CALN1: variants seen among roughly 807,000 people sequenced by gnomAD.
CALN1 encodes calneuron 1.
A neutral mutation model predicts 30.6 loss-of-function variants in CALN1; 17 were observed. The observed-to-expected ratio is 0.56, with a 90% CI of 0.38 to 0.83. The LOEUF (loss-of-function observed/expected upper bound fraction) is 0.83, where lower values mean the gene tolerates loss of function less well. CALN1 is among the 40% of genes least tolerant of loss of function. The pLI is 0.00. For synonymous variants in CALN1, 156 were observed against 131.4 expected, an observed-to-expected ratio of 1.19 and a Z score of -1.28; for missense variants, 291 against 354.9, an observed-to-expected ratio of 0.82 and a Z score of 1.45.
intron 1 of CALN1, among the ~76,000 whole-genome samples, chr7:72,429,765 A>G (rs1807913614): frequency 6.7e-6 from 1 of 149,102 alleles, no homozygotes. Context: ...ACATCTGTAT[A>G]TATATATGTA....
chr7:71,934,755 A>G (rs1378103148), intron 5 of CALN1, among the ~76,000 whole-genome samples: 1 of 152,152 alleles, frequency 6.6e-6, no homozygotes, highest in Non-Finnish European at 1.5e-5. Context: ...AAGGCTGGGT[A>G]ATTTATAAAG....
chr7:72,041,273 G>A (rs1353960248), intron 4 of CALN1, among the ~76,000 whole-genome samples: 2 of 152,164 alleles, frequency 1.3e-5, no homozygotes, highest in Admixed American at 6.5e-5. Context: ...ATGCCACAGA[G>A]GGCCAAGTAG....
chr7:72,102,541 T>C (rs989765836), intron 4 of CALN1, among the ~76,000 whole-genome samples: 4 of 152,198 alleles, frequency 2.6e-5, no homozygotes, highest in African/African-American at 9.7e-5. Context: ...CAAGCTGTTA[T>C]GTCCATACAG....
chr7:72,200,311 CT>C (rs1791330808), intron 3 of CALN1, among the ~76,000 whole-genome samples: 1 of 152,234 alleles, frequency 6.6e-6, no homozygotes, highest in East Asian at 1.9e-4. Flanking sequence ...GGGCAAATAC[CT>C]TAACCTCTCC....
intron 3 of CALN1, among the ~76,000 whole-genome samples, chr7:72,110,293 C>G (rs1025350518): frequency 6.6e-6 from 1 of 152,130 alleles, no homozygotes; most frequent in African/African-American, 2.4e-5. Flanking sequence ...GACAGCTGAG[C>G]CTTTGGACCT....
At chr7:72,375,544 A>G (rs1186639618) in intron 2 of CALN1, among the ~76,000 whole-genome samples, 1 of 148,628 alleles carries the variant, frequency 6.7e-6, no homozygotes, top group East Asian at 2.0e-4. Context: ...CCACCCTGGC[A>G]AAACAGCAAA....
At chr7:71,978,262 CTTTTTTTTTTTTTTTT>C (rs1010635078) in intron 5 of CALN1, among the ~76,000 whole-genome samples, 3 of 72,936 alleles carry the variant, frequency 4.1e-5, no homozygotes, top group South Asian at 5.6e-4. Context: ...CTAGAGAATT[CTTTTTTTTTTTTTTTT>C]TTTTTTTTTT....
intron 5 of CALN1, among the ~76,000 whole-genome samples, chr7:71,948,743 A>T (rs891990499): frequency 1.4e-5 from 2 of 143,494 alleles, no homozygotes; most frequent in Admixed American, 7.3e-5. Context: ...AAAAAAAAAA[A>T]ATAATAATTT....
intron 2 of CALN1, among the ~76,000 whole-genome samples, chr7:72,302,921 A>C: frequency 6.9e-6 from 1 of 145,612 alleles, no homozygotes. Flanking sequence ...AAAAAAACGA[A>C]AAGAATCCGG....
At chr7:71,863,557 CAAAAA>C (rs71531769) in intron 5 of CALN1, among the ~76,000 whole-genome samples, 2 of 32,214 alleles carry the variant, frequency 6.2e-5, no homozygotes, top group Non-Finnish European at 7.7e-5. Flanking sequence ...AACTCCATCT[CAAAAA>C]AAAAAAAAAA....
intron 2 of CALN1, among the ~76,000 whole-genome samples, chr7:72,290,605 G>C (rs1418895002): frequency 6.6e-6 from 1 of 152,152 alleles, no homozygotes. Context: ...AAAATACCCA[G>C]AGTGGTTACT....
At chr7:72,362,039 T>C (rs755828965) in intron 2 of CALN1, among the ~76,000 whole-genome samples, 1 of 152,228 alleles carries the variant, frequency 6.6e-6, no homozygotes, top group African/African-American at 2.4e-5. Flanking sequence ...TTCCTCATTA[T>C]CTTGGTAAAT....
At chr7:72,196,260 G>A (rs1193528224) in intron 3 of CALN1, among the ~76,000 whole-genome samples, 1 of 152,148 alleles carries the variant, frequency 6.6e-6, no homozygotes. Context: ...TGGGGCTACA[G>A]GCGCATACCG....
the CALN1 span, among the ~76,000 whole-genome samples, chr7:72,454,264 C>G: frequency 3.3e-5 from 5 of 152,238 alleles, no homozygotes; most frequent in African/African-American, 1.2e-4. Flanking sequence ...AGAAGCTGCC[C>G]TAGGCTAGGA....
chr7:71,942,442 G>T, intron 5 of CALN1: 1 of 169,662 alleles, frequency 5.9e-6, no homozygotes, highest in South Asian at 1.7e-4. Flanking sequence ...GTTGGAGTCA[G>T]AGCAAGAGGC....
At chr7:71,898,526 T>C (rs2116926066) in intron 5 of CALN1, among the ~76,000 whole-genome samples, 1 of 152,262 alleles carries the variant, frequency 6.6e-6, no homozygotes, top group South Asian at 2.1e-4. Flanking sequence ...ACATAAGGTT[T>C]ATTCCAGAGT....
At chr7:72,363,715 TA>T (rs1338683662) in intron 2 of CALN1, among the ~76,000 whole-genome samples, 2 of 138,694 alleles carry the variant, frequency 1.4e-5, no homozygotes, top group African/African-American at 5.3e-5. Context: ...AACATATGGT[TA>T]AAAAAAACTT....
chr7:72,215,570 G>A (rs1261612537), intron 3 of CALN1, among the ~76,000 whole-genome samples: 1 of 144,194 alleles, frequency 6.9e-6, no homozygotes, highest in Non-Finnish European at 1.5e-5. Flanking sequence ...CTCTAGCTGG[G>A]TGACAAGAGC....
In CALN1 at chr7:71,955,919, G is replaced by A. The variant is rs118108241; in HGVS notation, c.501+67738C>T. On this transcript the variant is annotated intron_variant, in intron 5 of 6. Coordinates refer to ENST00000395275, the MANE Select transcript of CALN1 (RefSeq NM_031468.4). ...GTCTGGCACCTGGGTGGTACCTGGT[G>A]ATCTCAGAGCCGGCAGTTTCACTGA... Among the ~76,000 whole-genome samples, 1,074 of 152,116 alleles carry A rather than the reference G, an allele frequency of 7.1e-3. 48 individuals carry two copies. In the East Asian group the frequency reaches 0.12, roughly 17 times the overall value.
Sources: allele counts gnomAD v4.1 joint callset (sites outside exome capture counted in the v4.1 genomes callset), GRCh38; gene constraint gnomAD v4.1.1; transcripts MANE v1.5; gene names NCBI Gene and HGNC (gene_info 2026-07-23, HGNC 2026-07-21).